The following PDE4D variants were observed in gnomAD, a reference collection of about 807,000 sequenced individuals.
PDE4D encodes the protein 3',5'-cyclic-AMP phosphodiesterase 4D.
In PDE4D, 24 loss-of-function variants were observed where a neutral mutation model predicts 87.4. The ratio of observed to expected loss-of-function variants is 0.27; its 90% CI spans 0.20 to 0.39. PDE4D has a LOEUF of 0.39. Among genes scored for constraint, PDE4D ranks in the 10% least tolerant of loss-of-function variants. The pLI is 1.00. For synonymous variants in PDE4D, 384 were observed against 383.2 expected, an observed-to-expected ratio of 1.00 and a Z score of -0.02; for missense variants, 714 against 1,041.0, an observed-to-expected ratio of 0.69 and a Z score of 4.32.
At position 58,974,870 on chromosome 5, in the gene PDE4D, C is replaced by T. The variant is rs2153302175; in HGVS notation, c.2224G>A (p.Glu742Lys). The change falls in exon 15 of 15, where the codon GAA (glutamate) becomes AAA (lysine). Residue 742 changes from glutamate (E) to lysine (K), a missense_variant. By Grantham distance (56) the Glu-to-Lys change is moderately conservative. Transcript: ENST00000340635. Reference sequence around the variant, plus strand: ...TTTTCCGTGTCTGACTCACCATCTTCCTCTAAAGTTAGTTCAAACTGGAAT... The same window carrying T: ...TTTTCCGTGTCTGACTCACCATCTTTCTCTAAAGTTAGTTCAAACTGGAAT... ...EKFQFELTLE[E>K]DGESDTEKDS... The T allele has an allele frequency of 6.2e-7, 1 of 1,612,438 alleles. No individual in the cohort carries two copies. Among genetic ancestry groups the T allele is most frequent in the Non-Finnish European group, 8.5e-7 (1 of 1,178,870 alleles).
chr5:60,285,522 C>A (rs913064850), intron 1 of PDE4D, among the ~76,000 whole-genome samples: 1 of 150,408 alleles, frequency 6.6e-6, no homozygotes, highest in Non-Finnish European at 1.5e-5. Context: ...AATCAAAACA[C>A]ACAGATATAA....
Position 59,159,402 on chromosome 5 carries a change from C to T in PDE4D, c.808+21193G>A, listed in dbSNP as rs541951397. 1.1e-4 allele frequency among the ~76,000 whole-genome samples: 16 copies of T among 152,044 alleles called. No individual in the cohort carries two copies. The South Asian group carries it at 1.2e-3, about 12-fold the overall frequency. The stretch of plus-strand genomic sequence containing the variant: ...CCTGCCTCAGCCTCCCAAAGTGCTG[C>T]GATTAGAGGTGTGAGCCACCACACC... On this transcript the variant is annotated intron_variant, in intron 5 of 14. Coordinates refer to ENST00000340635, the MANE Select transcript of PDE4D (RefSeq NM_001104631.2).
chr5:59,127,405 A>AT (rs956068126), intron 5 of PDE4D, among the ~76,000 whole-genome samples: 1 of 151,972 alleles, frequency 6.6e-6, no homozygotes, highest in African/African-American at 2.4e-5. Context: ...AACAGAATTA[A>AT]TTTTTTTCCT....
chr5:59,005,379 A>G lies in PDE4D; in HGVS notation c.922-11914T>C, dbSNP rs1252942273. On this transcript the variant is annotated intron_variant, in intron 6 of 14. Transcript: ENST00000340635. Reference sequence around the variant, plus strand: ...GCAATAAGGGAGATTATTTAATCATATTGAGTAAAAAGTACCAAGGAAAGT... The same window carrying G: ...GCAATAAGGGAGATTATTTAATCATGTTGAGTAAAAAGTACCAAGGAAAGT... Among the ~76,000 whole-genome samples, 3 of 152,352 alleles carry G rather than the reference A, an allele frequency of 2.0e-5. No homozygotes were observed. In the East Asian group the frequency reaches 5.8e-4, roughly 29 times the overall value.
chr5:59,138,029 C>T (rs906931093), intron 5 of PDE4D, among the ~76,000 whole-genome samples: 3 of 152,164 alleles, frequency 2.0e-5, no homozygotes, highest in Non-Finnish European at 4.4e-5. Flanking sequence ...GCAACCCTAA[C>T]GAGGTTAAAG....
chr5:59,549,606 T>C (rs1817789590), intron 1 of PDE4D, among the ~76,000 whole-genome samples: 1 of 152,160 alleles, frequency 6.6e-6, no homozygotes, highest in South Asian at 2.1e-4. Context: ...TGAAAATATA[T>C]ATAACCTATT....
intron 3 of PDE4D, among the ~76,000 whole-genome samples, chr5:59,917,499 T>C (rs576221886): frequency 1.9e-4 from 29 of 152,324 alleles, no homozygotes; most frequent in African/African-American, 6.7e-4. Flanking sequence ...TAAACTGTGA[T>C]ACAGAAGACC....
chr5:59,020,921 T>C (rs1218017180), intron 6 of PDE4D, among the ~76,000 whole-genome samples: 1 of 152,198 alleles, frequency 6.6e-6, no homozygotes, highest in Non-Finnish European at 1.5e-5. Context: ...CATTCCTCTG[T>C]TTCTCAGCTG....
intron 1 of PDE4D, among the ~76,000 whole-genome samples, chr5:60,271,677 A>G (rs2149724749): frequency 6.6e-6 from 1 of 152,314 alleles, no homozygotes; most frequent in South Asian, 2.1e-4. Context: ...TTCAGATAAG[A>G]CAGTGAGAAA....
intron 3 of PDE4D, among the ~76,000 whole-genome samples, chr5:59,976,500 C>T (rs1761350504): frequency 6.6e-6 from 1 of 152,116 alleles, no homozygotes; most frequent in South Asian, 2.1e-4. Context: ...CAAAGCTGCT[C>T]CCCCTTCACC....
chr5:59,989,861 C>T (rs895188498), intron 2 of PDE4D, among the ~76,000 whole-genome samples: 2 of 152,112 alleles, frequency 1.3e-5, no homozygotes, highest in Non-Finnish European at 2.9e-5. Context: ...AATCTTTGCA[C>T]TGCCACTTTA....
At chr5:60,148,383 T>C (rs1394601787) in intron 2 of PDE4D, among the ~76,000 whole-genome samples, 2 of 152,196 alleles carry the variant, frequency 1.3e-5, no homozygotes, top group Non-Finnish European at 2.9e-5. Context: ...ATAACAACTA[T>C]TTACATAGAA....
chr5:59,464,809 T>A (rs550642453), intron 1 of PDE4D, among the ~76,000 whole-genome samples: 18 of 152,268 alleles, frequency 1.2e-4, no homozygotes, highest in African/African-American at 3.9e-4. Flanking sequence ...AACACACCTA[T>A]AAGGTGAAAA....
intron 1 of PDE4D, among the ~76,000 whole-genome samples, chr5:59,225,509 G>A (rs1284550954): frequency 6.6e-6 from 1 of 152,100 alleles, no homozygotes; most frequent in Non-Finnish European, 1.5e-5. Flanking sequence ...TATGAAGACT[G>A]CTTTTCTATT....
At chr5:59,540,720 A>T (rs1443482671) in intron 1 of PDE4D, among the ~76,000 whole-genome samples, 1 of 152,182 alleles carries the variant, frequency 6.6e-6, no homozygotes, top group Non-Finnish European at 1.5e-5. Context: ...TCCCCCATTT[A>T]AACCATTTAT....
intron 1 of PDE4D, among the ~76,000 whole-genome samples, chr5:59,799,822 T>C (rs925179050): frequency 6.6e-6 from 1 of 152,182 alleles, no homozygotes; most frequent in African/African-American, 2.4e-5. Flanking sequence ...CCCAAGGAAG[T>C]ACAGGGGTAC....
intron 2 of PDE4D, among the ~76,000 whole-genome samples, chr5:60,035,430 G>T (rs1410137698): frequency 6.6e-6 from 1 of 152,010 alleles, no homozygotes; most frequent in Non-Finnish European, 1.5e-5. Flanking sequence ...AATTCAAAAG[G>T]CTCAAAGAAG....
chr5:59,290,141 A>T (rs757625615), intron 1 of PDE4D, among the ~76,000 whole-genome samples: 9 of 151,982 alleles, frequency 5.9e-5, no homozygotes, highest in Non-Finnish European at 1.0e-4. Flanking sequence ...AATACCAAGG[A>T]CATTCTTCCC....
intron 1 of PDE4D, among the ~76,000 whole-genome samples, chr5:60,372,092 T>C (rs1761080114): frequency 6.6e-6 from 1 of 151,692 alleles, no homozygotes; most frequent in African/African-American, 2.4e-5. Context: ...ACCAGCAGTC[T>C]AGGAGCATAC....
Sources: allele counts gnomAD v4.1 joint callset (sites outside exome capture counted in the v4.1 genomes callset), GRCh38; gene constraint gnomAD v4.1.1; transcripts MANE v1.5; gene names NCBI Gene and HGNC (gene_info 2026-07-23, HGNC 2026-07-21).